The following NREP variants were observed in gnomAD, a reference collection of about 807,000 sequenced individuals.
NREP encodes the protein neuronal regeneration-related protein.
NREP carries 5 observed loss-of-function variants against 8.6 expected under a neutral mutation model. That is an observed-to-expected ratio of 0.58 (90% CI 0.30 to 1.22). The LOEUF is 1.22. NREP is among the 50% of genes most tolerant of loss of function. The pLI is 0.07. For missense variants in NREP, 86 were observed against 82.5 expected (o/e 1.04, Z -0.17); for synonymous variants, 27 against 28.0 (o/e 0.96, Z 0.11).
chr5:111,874,028 G>C (rs1753848983), intron 2 of NREP, among the ~76,000 whole-genome samples: 2 of 148,724 alleles, frequency 1.3e-5, no homozygotes, highest in African/African-American at 2.5e-5. Flanking sequence ...TTGTTATTCT[G>C]AATGTTCCCA....
At chr5:111,849,907 AC>A (rs764504245) in intron 2 of NREP, among the ~76,000 whole-genome samples, 1 of 152,114 alleles carries the variant, frequency 6.6e-6, no homozygotes, top group Non-Finnish European at 1.5e-5. Flanking sequence ...ATTACCTTAG[AC>A]TATGAGATGG....
upstream of NREP, among the ~76,000 whole-genome samples, chr5:111,759,593 AT>A (rs1331703004): frequency 6.6e-6 from 1 of 152,108 alleles, no homozygotes; most frequent in Non-Finnish European, 1.5e-5. Flanking sequence ...CAGGTGACAG[AT>A]TTTTAAGTAT....
upstream of NREP, chr5:111,757,673 G>A (rs1394957810): frequency 8.1e-6 from 8 of 983,380 alleles, no homozygotes; most frequent in Non-Finnish European, 7.2e-6. Context: ...CGTCCCCACT[G>A]CACCGCGCGG....
In NREP at chr5:111,815,482, C is replaced by G. The variant is rs187499757; in HGVS notation, c.136-79975G>C. Among the ~76,000 whole-genome samples the G allele has an allele frequency of 3.1e-4, 47 of 151,008 alleles. No individual in the cohort carries two copies. In the East Asian group the frequency reaches 8.2e-3, roughly 26 times the overall value. On this transcript the variant is annotated intron_variant, in intron 2 of 3. Coordinates refer to the NREP transcript ENST00000395634. ...GCCAGGCATCTAAGGACTCAGTTAT[C>G]AAAGAAAGTTTTTTTTTTTAGTTAT...
At chr5:111,942,524 T>C (rs1262095272) in intron 2 of NREP, among the ~76,000 whole-genome samples, 1 of 151,980 alleles carries the variant, frequency 6.6e-6, no homozygotes, top group African/African-American at 2.4e-5. Flanking sequence ...TGCTATCAAA[T>C]AGCAGCAAGT....
chr5:111,922,292 C>A (rs188913645), intron 2 of NREP, among the ~76,000 whole-genome samples: 3 of 152,106 alleles, frequency 2.0e-5, no homozygotes, highest in Middle Eastern at 3.4e-3. Flanking sequence ...TGCCTAGTGC[C>A]TTTGAGATCC....
At chr5:111,829,109 A>C (rs886544187) in intron 2 of NREP, among the ~76,000 whole-genome samples, 10 of 152,164 alleles carry the variant, frequency 6.6e-5, no homozygotes, top group East Asian at 1.9e-4. Context: ...AAAAAAAAAA[A>C]CAAAAACATA....
chr5:111,748,395 A>G (rs1750141025), intron 2 of NREP, among the ~76,000 whole-genome samples: 3 of 152,076 alleles, frequency 2.0e-5, no homozygotes, highest in African/African-American at 7.2e-5. Flanking sequence ...TCCGGCCATG[A>G]CTCATTGTAT....
At chr5:111,840,410 G>C (rs926913232) in intron 2 of NREP, among the ~76,000 whole-genome samples, 1 of 152,006 alleles carries the variant, frequency 6.6e-6, no homozygotes, top group Non-Finnish European at 1.5e-5. Context: ...GCCATTATGC[G>C]ACCAGGAAGG....
At chr5:111,891,520 T>C (rs1561713668) in intron 2 of NREP, among the ~76,000 whole-genome samples, 1 of 152,220 alleles carries the variant, frequency 6.6e-6, no homozygotes, top group Non-Finnish European at 1.5e-5. Context: ...GATGCCCCAC[T>C]CCTCAATACC....
At chr5:111,840,325 G>C (rs1434545839) in intron 2 of NREP, among the ~76,000 whole-genome samples, 1 of 151,982 alleles carries the variant, frequency 6.6e-6, no homozygotes, top group African/African-American at 2.4e-5. Flanking sequence ...TTAATTAAAA[G>C]AACCAACACA....
intron 2 of NREP, among the ~76,000 whole-genome samples, chr5:111,812,817 T>G (rs1752299904): frequency 6.6e-6 from 1 of 152,204 alleles, no homozygotes; most frequent in Non-Finnish European, 1.5e-5. Context: ...AACATCAATT[T>G]AGAATAATAA....
At chr5:111,782,735 C>CT (rs918689517) in intron 2 of NREP, among the ~76,000 whole-genome samples, 28 of 147,172 alleles carry the variant, frequency 1.9e-4, no homozygotes, top group African/African-American at 2.7e-4. Context: ...CATGGCTTTT[C>CT]TTTTTTTTTT....
intron 2 of NREP, among the ~76,000 whole-genome samples, chr5:111,797,578 G>A (rs1193665541): frequency 6.6e-6 from 1 of 152,196 alleles, no homozygotes; most frequent in Non-Finnish European, 1.5e-5. Flanking sequence ...CTCTTAGAGT[G>A]TCTGCAGCTA....
intron 2 of NREP, among the ~76,000 whole-genome samples, chr5:111,905,593 G>A (rs1167436548): frequency 6.6e-6 from 1 of 152,064 alleles, no homozygotes; most frequent in East Asian, 1.9e-4. Context: ...GTTTGCTACT[G>A]CATGTAGACA....
chr5:111,830,994 T>C (rs1752754294), intron 2 of NREP, among the ~76,000 whole-genome samples: 1 of 152,216 alleles, frequency 6.6e-6, no homozygotes. Context: ...AATTCTCCTA[T>C]ATGGGAAGAG....
chr5:111,756,951 G>A (rs971503541), intron 1 of NREP, among the ~76,000 whole-genome samples, 185 bp downstream of exon 1: 2 of 151,982 alleles, frequency 1.3e-5, no homozygotes, highest in African/African-American at 4.8e-5. Flanking sequence ...TTAAATTCCA[G>A]CCTGAATGCA....
At chr5:111,838,845 C>T (rs1752958860) in intron 2 of NREP, among the ~76,000 whole-genome samples, 1 of 151,798 alleles carries the variant, frequency 6.6e-6, no homozygotes, top group Non-Finnish European at 1.5e-5. Context: ...GAAATAGATA[C>T]ATATGTGTAG....
At chr5:111,912,999 T>C (rs1282685375) in intron 2 of NREP, among the ~76,000 whole-genome samples, 1 of 152,166 alleles carries the variant, frequency 6.6e-6, no homozygotes, top group African/African-American at 2.4e-5. Flanking sequence ...GAGTCACTTA[T>C]TTGGCTTACA....
Sources: allele counts gnomAD v4.1 joint callset (sites outside exome capture counted in the v4.1 genomes callset), GRCh38; gene constraint gnomAD v4.1.1; transcripts MANE v1.5; gene names NCBI Gene and HGNC (gene_info 2026-07-23, HGNC 2026-07-21).